The following ATF7IP variants were observed in gnomAD, a reference collection of about 807,000 sequenced individuals.
The protein encoded by ATF7IP is activating transcription factor 7 interacting protein.
ATF7IP carries 23 observed loss-of-function variants against 106.4 expected under a neutral mutation model. The observed-to-expected ratio is 0.22, with a 90% confidence interval of 0.16 to 0.31. The LOEUF is 0.31. Among genes scored for constraint, ATF7IP ranks in the 10% least tolerant of loss-of-function variants. The pLI, the probability that ATF7IP is intolerant of heterozygous loss-of-function variation, is 1.00. For missense variants in ATF7IP, 1,334 were observed against 1,524.3 expected, an observed-to-expected ratio of 0.88 and a Z score of 2.08; for synonymous variants, 542 against 539.0, an observed-to-expected ratio of 1.01 and a Z score of -0.08.
chr12:14,475,758 G>T, intron 10 of ATF7IP, 132 bp from the exon 11 acceptor site: 2 of 606,008 alleles, frequency 3.3e-6, no homozygotes, highest in Non-Finnish European at 5.8e-6. Context: ...CTTTATTCAG[G>T]TACAGCCATT....
At chr12:14,473,850 A>G (rs553105734) in intron 10 of ATF7IP, among the ~76,000 whole-genome samples, 1 of 151,314 alleles carries the variant, frequency 6.6e-6, no homozygotes, top group Non-Finnish European at 1.5e-5. Context: ...ATGTTGTTCC[A>G]GTGTCTTCTT....
At position 14,485,208 on chromosome 12, in the gene ATF7IP, G is replaced by T. The variant is rs139743739; in HGVS notation, c.3280+4023G>T. On this transcript the variant is annotated intron_variant, in intron 13 of 14. Coordinates refer to ENST00000261168, the MANE Select transcript of ATF7IP (RefSeq NM_018179.5). ...GCAGAGCCTTCTCCTGTTCTGGACC[G>T]CACTCAAAACTGGCAGCCTTTCAGG... 2.8e-3 allele frequency among the ~76,000 whole-genome samples: 421 copies of T among 152,078 alleles called. 2 individuals carry two copies. The highest frequency in any genetic ancestry group is 9.8e-3 in the African/African-American group (407 of 41,448).
rs893227971 is a variant in ATF7IP, at chr12:14,424,535, G to A, written c.620G>A (p.Ser207Asn). The change falls in exon 2 of 15, where the codon AGT becomes AAT. Residue 207 changes from serine to asparagine, a missense_variant. Coordinates refer to ENST00000261168, the MANE Select transcript of ATF7IP (RefSeq NM_018179.5). ...CTCTCCTCTGGTGATCCCACCTCTA[G>A]TGATCCCATCCCAGGTGAACCGGTC... ...DDLSSGDPTS[S>N]DPIPGEPVPV... 4 of 1,614,160 alleles carry A rather than the reference G, an allele frequency of 2.5e-6. No individual in the cohort carries two copies. The highest frequency in any genetic ancestry group is 2.7e-5 in the African/African-American group (2 of 75,030).
chr12:14,494,456 G>T (rs1286539642), intron 13 of ATF7IP, among the ~76,000 whole-genome samples: 1 of 142,368 alleles, frequency 7.0e-6, no homozygotes, highest in Non-Finnish European at 1.5e-5. Flanking sequence ...TAAACTAATA[G>T]GGTATATACA....
Position 14,457,282 on chromosome 12 carries a change from T to G in ATF7IP, c.2145T>G (p.Thr715=). ...AGAGTGCACCACCATCCTTTCAAACTCCTGTGAATACAGGTAACTTTTTTT... is the reference window on the plus strand; with the variant it reads ...AGAGTGCACCACCATCCTTTCAAACGCCTGTGAATACAGGTAACTTTTTTT... ...VSESAPPSFQ[T]PVNTVSSTNL... Residue 715 remains threonine (T), a synonymous_variant, in exon 8 of 15, where the codon ACT becomes ACG. Coordinates refer to ENST00000261168, the MANE Select transcript of ATF7IP (RefSeq NM_018179.5). 2 of 1,610,000 alleles carry G rather than the reference T, an allele frequency of 1.2e-6. No individual in the cohort carries two copies. Among genetic ancestry groups the G allele is most frequent in the African/African-American group, 2.7e-5 (2 of 74,812 alleles).
chr12:14,455,658 C>T (rs1943397513), intron 6 of ATF7IP, among the ~76,000 whole-genome samples: 1 of 152,164 alleles, frequency 6.6e-6, no homozygotes, highest in Non-Finnish European at 1.5e-5. Context: ...AATCTCAGCT[C>T]ACTGCAACCT....
At chr12:14,410,267 A>T (rs1940840525) in intron 1 of ATF7IP, among the ~76,000 whole-genome samples, 1 of 152,154 alleles carries the variant, frequency 6.6e-6, no homozygotes. Flanking sequence ...GAAATAAATA[A>T]TTCATAAGTT....
chr12:14,393,460 T>C (rs538919434), intron 1 of ATF7IP, among the ~76,000 whole-genome samples: 1 of 152,318 alleles, frequency 6.6e-6, no homozygotes, highest in South Asian at 2.1e-4. Context: ...TGGTGGGTCA[T>C]AGATCCTGAG....
In ATF7IP at chr12:14,460,971, C is replaced by A; in HGVS notation, c.2635C>A (p.His879Asn). 1 of 1,614,076 alleles carries A rather than the reference C, an allele frequency of 6.2e-7. No homozygotes were observed. The highest frequency in any genetic ancestry group is 8.5e-7 in the Non-Finnish European group (1 of 1,180,010). ...TGCTGTGCAGGCTGTTCCAACAGCA[C>A]ACTCTATTGTACAAGCCACAAGGAC... ...TLAVQAVPTA[H>N]SIVQATRTSL... The change falls in exon 9 of 15, where the codon CAC (histidine) becomes AAC (asparagine). Residue 879 changes from histidine to asparagine, a missense_variant. By Grantham distance (68) the His-to-Asn change is moderately conservative. Around this residue, in one of 10 missense-constraint regions of ATF7IP, gnomAD observed 370 missense variants for 401.2 expected, o/e 0.92. Coordinates refer to ENST00000261168, the MANE Select transcript of ATF7IP (RefSeq NM_018179.5).
chr12:14,403,494 T>C (rs1307778178), intron 1 of ATF7IP, among the ~76,000 whole-genome samples: 38 of 152,226 alleles, frequency 2.5e-4, no homozygotes, highest in Non-Finnish European at 2.9e-5. Context: ...CACTGTTCTT[T>C]GCACAGTATA....
intron 1 of ATF7IP, among the ~76,000 whole-genome samples, chr12:14,379,870 C>A (rs914578999): frequency 8.5e-5 from 13 of 152,152 alleles, no homozygotes; most frequent in Non-Finnish European, 1.5e-4. Flanking sequence ...TTCAATGGAA[C>A]CTGCCCTTGT....
intron 9 of ATF7IP, among the ~76,000 whole-genome samples, chr12:14,465,087 A>T (rs761777976): frequency 2.6e-5 from 4 of 152,030 alleles, no homozygotes; most frequent in African/African-American, 4.8e-5. Context: ...ATGGTGGCAC[A>T]CACTGGTAGT....
At chr12:14,379,810 T>G (rs1938924626) in intron 1 of ATF7IP, among the ~76,000 whole-genome samples, 1 of 152,218 alleles carries the variant, frequency 6.6e-6, no homozygotes, top group Non-Finnish European at 1.5e-5. Flanking sequence ...AGATTTCTCC[T>G]CTCAGTGGAA....
chr12:14,416,976 C>G (rs1941240847), intron 1 of ATF7IP: 2 of 983,186 alleles, frequency 2.0e-6, no homozygotes, highest in Non-Finnish European at 2.4e-6. Context: ...CAAGGTTCAT[C>G]TGTAAGGAAG....
At chr12:14,384,783 A>G (rs1939141220) in intron 1 of ATF7IP, among the ~76,000 whole-genome samples, 1 of 151,962 alleles carries the variant, frequency 6.6e-6, no homozygotes, top group African/African-American at 2.4e-5. Context: ...AATTGAAATT[A>G]ACTTAATCAA....
intron 1 of ATF7IP, among the ~76,000 whole-genome samples, chr12:14,417,789 A>T (rs1941280079): frequency 6.6e-6 from 1 of 152,212 alleles, no homozygotes; most frequent in Non-Finnish European, 1.5e-5. Context: ...TACTTATTTC[A>T]AACAAAGAAC....
chr12:14,396,842 T>C (rs1323362125), intron 1 of ATF7IP, among the ~76,000 whole-genome samples: 2 of 152,102 alleles, frequency 1.3e-5, no homozygotes, highest in Non-Finnish European at 2.9e-5. Flanking sequence ...ATTTTGTACA[T>C]AGACAATCAA....
chr12:14,390,985 G>A (rs1939516591), intron 1 of ATF7IP, among the ~76,000 whole-genome samples: 1 of 152,222 alleles, frequency 6.6e-6, no homozygotes, highest in Non-Finnish European at 1.5e-5. Flanking sequence ...TCTAGTTAGA[G>A]TTCAACTTTA....
chr12:14,405,728 G>C (rs1294744395), intron 1 of ATF7IP, among the ~76,000 whole-genome samples: 1 of 152,030 alleles, frequency 6.6e-6, no homozygotes, highest in Non-Finnish European at 1.5e-5. Context: ...CATCTCAGCT[G>C]CCACTTTAAA....
Sources: gnomAD v4.1 joint callset for allele counts (sites outside exome capture counted in the v4.1 genomes callset) on GRCh38, gnomAD v4.1.1 for gene constraint, gnomAD v4.1.1 regional missense constraint, MANE v1.5 for transcripts, NCBI Gene and HGNC (gene_info 2026-07-23, HGNC 2026-07-21) for gene names.